The following RBMS3 variants were observed in gnomAD, a reference collection of about 807,000 sequenced individuals.
The protein encoded by RBMS3 is RNA binding motif single stranded interacting protein 3.
Under a neutral mutation model 66.8 loss-of-function variants are expected in RBMS3, and 27 were observed. The ratio of observed to expected loss-of-function variants is 0.40; its 90% CI spans 0.30 to 0.56. RBMS3 has a LOEUF of 0.56. RBMS3 is among the 20% of genes least tolerant of loss of function. The pLI is 0.40. For missense variants in RBMS3, 513 were observed against 549.5 expected (o/e 0.93, Z 0.66); for synonymous variants, 188 against 183.0 (o/e 1.03, Z -0.22).
chr3:29,459,182 A>T (rs1236230014), intron 2 of RBMS3, among the ~76,000 whole-genome samples: 1 of 152,206 alleles, frequency 6.6e-6, no homozygotes, highest in African/African-American at 2.4e-5. Context: ...ATTGATAAAC[A>T]TACATCATAT....
At chr3:29,724,426 A>G (rs917486370) in intron 4 of RBMS3, among the ~76,000 whole-genome samples, 3 of 152,154 alleles carry the variant, frequency 2.0e-5, no homozygotes, top group Non-Finnish European at 2.9e-5. Flanking sequence ...TTGAATTTCT[A>G]CAATAACCCT....
At chr3:29,671,390 G>T (rs2050994233) in intron 4 of RBMS3, among the ~76,000 whole-genome samples, 1 of 152,162 alleles carries the variant, frequency 6.6e-6, no homozygotes. Context: ...AACGAACACA[G>T]CTCCTCGCTA....
At chr3:29,979,356 GAAGT>G (rs1697822358) in intron 12 of RBMS3, among the ~76,000 whole-genome samples, 1 of 152,166 alleles carries the variant, frequency 6.6e-6, no homozygotes, top group Non-Finnish European at 1.5e-5. Flanking sequence ...TGTCATGAAA[GAAGT>G]AAAGATACTC....
chr3:29,405,491 G>T (rs4680829), intron 1 of RBMS3, among the ~76,000 whole-genome samples: 22,640 of 152,096 alleles, frequency 0.15, 2,083 homozygotes, highest in East Asian at 0.33. Context: ...GCAAATCAGG[G>T]TACATTATTT....
chr3:29,498,597 C>T (rs762754207), intron 3 of RBMS3, among the ~76,000 whole-genome samples: 1 of 152,158 alleles, frequency 6.6e-6, no homozygotes, highest in African/African-American at 2.4e-5. Flanking sequence ...AAGAAATTCT[C>T]TAAGTTATGA....
At chr3:29,449,739 G>A (rs1259213579) in intron 2 of RBMS3, among the ~76,000 whole-genome samples, 1 of 152,174 alleles carries the variant, frequency 6.6e-6, no homozygotes, top group Non-Finnish European at 1.5e-5. Flanking sequence ...CATCATTTTA[G>A]TGTCATGGTT....
At chr3:29,524,860 C>T (rs1003181093) in intron 3 of RBMS3, among the ~76,000 whole-genome samples, 1 of 151,868 alleles carries the variant, frequency 6.6e-6, no homozygotes, top group African/African-American at 2.4e-5. Flanking sequence ...TTGGACTAGC[C>T]AGGAGAACAT....
chr3:29,997,718 AC>A (rs1358854644), intron 14 of RBMS3, among the ~76,000 whole-genome samples: 1 of 151,816 alleles, frequency 6.6e-6, no homozygotes, highest in Non-Finnish European at 1.5e-5. Context: ...AAATTCAACA[AC>A]CCTTCATGCT....
intron 6 of RBMS3, among the ~76,000 whole-genome samples, chr3:29,811,618 C>T (rs989885802): frequency 3.3e-5 from 5 of 152,058 alleles, no homozygotes. Context: ...AACTTGTTCC[C>T]TCTCCCCCAT....
At chr3:29,906,479 G>A (rs1181876770) in intron 10 of RBMS3, among the ~76,000 whole-genome samples, 1 of 151,324 alleles carries the variant, frequency 6.6e-6, no homozygotes, top group Non-Finnish European at 1.5e-5. Flanking sequence ...GGACACAGCT[G>A]ACATTAATCC....
intron 10 of RBMS3, among the ~76,000 whole-genome samples, chr3:29,919,488 C>A (rs556383455): frequency 4.6e-5 from 7 of 152,314 alleles, no homozygotes; most frequent in African/African-American, 1.4e-4. Context: ...TGTATACACT[C>A]GCTTCATGTG....
At chr3:29,899,553 A>T (rs1333782459) in intron 9 of RBMS3, 152 bp from the exon 10 acceptor site, 3 of 576,998 alleles carry the variant, frequency 5.2e-6, no homozygotes, top group Non-Finnish European at 8.9e-6. Context: ...ATCAAGTCCA[A>T]GAATTCCCTT....
At chr3:29,729,356 A>T (rs1220755878) in intron 4 of RBMS3, among the ~76,000 whole-genome samples, 1 of 152,108 alleles carries the variant, frequency 6.6e-6, no homozygotes, top group East Asian at 1.9e-4. Flanking sequence ...CATGGTGTAT[A>T]TGTGCCACAT....
At chr3:29,831,880 A>AT (rs5847598) in intron 6 of RBMS3, among the ~76,000 whole-genome samples, 62,424 of 151,798 alleles carry the variant, frequency 0.41, 13,367 homozygotes, top group Non-Finnish European at 0.47. Context: ...ATAAAAAAAA[A>AT]TAACATGGGA....
intron 6 of RBMS3, among the ~76,000 whole-genome samples, chr3:29,821,128 C>T (rs981665599): frequency 6.6e-6 from 1 of 152,158 alleles, no homozygotes; most frequent in South Asian, 2.1e-4. Context: ...ATTATCCAAA[C>T]AGCCAAGTAT....
intron 3 of RBMS3, among the ~76,000 whole-genome samples, chr3:29,546,643 A>G (rs2045959969): frequency 6.6e-6 from 1 of 152,248 alleles, no homozygotes; most frequent in Non-Finnish European, 1.5e-5. Context: ...GTATAAACAT[A>G]CATGAGGGCT....
chr3:29,295,571 T>G (rs1036779058), intron 1 of RBMS3, among the ~76,000 whole-genome samples: 1 of 151,370 alleles, frequency 6.6e-6, no homozygotes, highest in Admixed American at 6.6e-5. Context: ...TTTACAGAAT[T>G]CTATATGCTC....
chr3:29,962,406 G>A (rs1040656394), intron 12 of RBMS3, among the ~76,000 whole-genome samples: 1 of 151,852 alleles, frequency 6.6e-6, no homozygotes, highest in Non-Finnish European at 1.5e-5. Context: ...TCATCTCTTG[G>A]TCTGAAGAGG....
chr3:29,737,703 A>G (rs2054444068), intron 4 of RBMS3, among the ~76,000 whole-genome samples: 2 of 152,016 alleles, frequency 1.3e-5, no homozygotes, highest in African/African-American at 4.8e-5. Context: ...TTTATTTACC[A>G]CTTCACAAAA....
Sources: gnomAD v4.1 joint callset for allele counts (sites outside exome capture counted in the v4.1 genomes callset) on GRCh38, gnomAD v4.1.1 for gene constraint, MANE v1.5 for transcripts, NCBI Gene and HGNC (gene_info 2026-07-23, HGNC 2026-07-21) for gene names.